The following TSHZ2 variants were observed in gnomAD, a reference collection of about 807,000 sequenced individuals.
The protein encoded by TSHZ2 is teashirt zinc finger homeobox 2.
In TSHZ2, 21 loss-of-function variants were observed where a neutral mutation model predicts 74.4. The ratio of observed to expected loss-of-function variants is 0.28; its 90% CI spans 0.20 to 0.41. The LOEUF (loss-of-function observed/expected upper bound fraction) is 0.41. Ranked by LOEUF, TSHZ2 falls within the 10% of genes least tolerant of loss-of-function variation. The pLI is 1.00. For missense variants in TSHZ2, 1,244 were observed against 1,293.5 expected, an observed-to-expected ratio of 0.96 and a Z score of 0.59; for synonymous variants, 540 against 515.3, an observed-to-expected ratio of 1.05 and a Z score of -0.65.
chr20:53,207,146 T>C (rs1212216203), intron 1 of TSHZ2, among the ~76,000 whole-genome samples: 1 of 152,146 alleles, frequency 6.6e-6, no homozygotes, highest in Non-Finnish European at 1.5e-5. Flanking sequence ...CTAATAAACA[T>C]ACAGTTGTTC....
intron 2 of TSHZ2, among the ~76,000 whole-genome samples, chr20:53,352,830 C>T (rs947521051): frequency 3.3e-5 from 5 of 150,412 alleles, no homozygotes; most frequent in African/African-American, 7.3e-5. Context: ...GCATCAACTT[C>T]GGAGAGGAAA....
At chr20:53,449,346 A>G (rs1984681377) in intron 2 of TSHZ2, among the ~76,000 whole-genome samples, 2 of 152,238 alleles carry the variant, frequency 1.3e-5, no homozygotes, top group South Asian at 2.1e-4. Context: ...CATAGTGAAT[A>G]GCAAGTAGTA....
intron 2 of TSHZ2, among the ~76,000 whole-genome samples, chr20:53,430,085 T>C (rs1299264367): frequency 6.6e-6 from 1 of 152,168 alleles, no homozygotes; most frequent in African/African-American, 2.4e-5. Context: ...TAGACATTAT[T>C]GGACATTATT....
At chr20:53,001,212 G>GTGTGTGTGTGTGTGTGTGTGTGTATA (rs1982405346) in intron 1 of TSHZ2, among the ~76,000 whole-genome samples, 31 of 123,486 alleles carry the variant, frequency 2.5e-4, no homozygotes, top group African/African-American at 9.7e-4. Flanking sequence ...GTGCGTGTGT[G>GTGTGTGTGTGTGTGTGTGTGTGTATA]TGTGTGTGTG....
intron 1 of TSHZ2, among the ~76,000 whole-genome samples, chr20:53,239,654 C>A (rs148726378): frequency 1.3e-5 from 2 of 152,092 alleles, no homozygotes; most frequent in African/African-American, 4.8e-5. Flanking sequence ...TGCTTAACTG[C>A]GAGCAGCAAT....
chr20:53,110,341 C>T (rs1047201024), intron 1 of TSHZ2, among the ~76,000 whole-genome samples: 1 of 151,994 alleles, frequency 6.6e-6, no homozygotes, highest in Non-Finnish European at 1.5e-5. Flanking sequence ...ATACATGTTC[C>T]AATAAATCCC....
intron 2 of TSHZ2, among the ~76,000 whole-genome samples, chr20:53,322,326 A>G (rs541754251): frequency 3.3e-5 from 5 of 152,322 alleles, no homozygotes; most frequent in Admixed American, 3.3e-4. Context: ...CAGCCTGGCC[A>G]ACAGGGCAAA....
At chr20:53,118,518 G>C (rs77038833) in intron 1 of TSHZ2, among the ~76,000 whole-genome samples, 2,060 of 152,240 alleles carry the variant, frequency 0.014, 36 homozygotes, top group African/African-American at 0.037. Context: ...ATCTGATCTT[G>C]GTCTGAAGCA....
intron 1 of TSHZ2, among the ~76,000 whole-genome samples, chr20:53,107,781 T>C (rs938773117): frequency 6.6e-6 from 1 of 151,762 alleles, no homozygotes; most frequent in Non-Finnish European, 1.5e-5. Context: ...GTAGGGAGAG[T>C]GTAGGGGGCC....
At chr20:53,190,028 T>G (rs971226084) in intron 1 of TSHZ2, among the ~76,000 whole-genome samples, 1 of 136,090 alleles carries the variant, frequency 7.3e-6, no homozygotes, top group South Asian at 2.4e-4. Context: ...GAGGTTGCTA[T>G]GAGCCATGAT....
At chr20:53,469,084 T>TATAC (rs1351403317) in intron 2 of TSHZ2, among the ~76,000 whole-genome samples, 4 of 132,352 alleles carry the variant, frequency 3.0e-5, no homozygotes, top group African/African-American at 5.5e-5. Context: ...TATATATATA[T>TATAC]GTACATATTC....
chr20:53,277,930 C>T (rs936380938), intron 2 of TSHZ2, among the ~76,000 whole-genome samples: 8 of 152,170 alleles, frequency 5.3e-5, no homozygotes, highest in Non-Finnish European at 7.3e-5. Context: ...CCAACTAACA[C>T]GCTCCTCCTG....
chr20:53,317,451 G>A (rs1979069637), intron 2 of TSHZ2, among the ~76,000 whole-genome samples: 2 of 152,128 alleles, frequency 1.3e-5, no homozygotes, highest in South Asian at 4.1e-4. Flanking sequence ...GCAGTGGAAA[G>A]GCTGTGAAAT....
chr20:53,436,601 A>G (rs1375770711), intron 2 of TSHZ2, among the ~76,000 whole-genome samples: 2 of 138,038 alleles, frequency 1.4e-5, no homozygotes, highest in African/African-American at 5.5e-5. Flanking sequence ...GCTGGAGTGC[A>G]GTGGTGGGAT....
chr20:53,483,715 G>A (rs1178914815), intron 2 of TSHZ2, among the ~76,000 whole-genome samples: 12 of 152,158 alleles, frequency 7.9e-5, no homozygotes, highest in Non-Finnish European at 1.3e-4. Context: ...GATTTTAATT[G>A]CAGGACTTCT....
intron 2 of TSHZ2, chr20:53,273,504 C>T (rs1990880057): frequency 6.6e-6 from 1 of 152,208 alleles, no homozygotes; most frequent in African/African-American, 2.4e-5. Context: ...GGCCAGACTG[C>T]TCTCGAACTC....
intron 1 of TSHZ2, chr20:53,168,823 G>A (rs999715712): frequency 2.0e-5 from 3 of 152,018 alleles, no homozygotes; most frequent in African/African-American, 7.2e-5. Context: ...TCATCCCATT[G>A]GCCAGAAACT....
At chr20:53,151,346 A>T (rs1419405172) in intron 1 of TSHZ2, among the ~76,000 whole-genome samples, 3 of 152,232 alleles carry the variant, frequency 2.0e-5, no homozygotes, top group African/African-American at 7.2e-5. Context: ...GCTTAGAGAA[A>T]ACTTACTTTG....
intron 2 of TSHZ2, among the ~76,000 whole-genome samples, chr20:53,318,727 CAAGG>C (rs368504488): frequency 6.6e-6 from 1 of 152,174 alleles, no homozygotes; most frequent in East Asian, 1.9e-4. Flanking sequence ...GGGCATAAAA[CAAGG>C]AAGTCAGCAG....
Sources: allele counts gnomAD v4.1 joint callset (sites outside exome capture counted in the v4.1 genomes callset), GRCh38; gene constraint gnomAD v4.1.1; transcripts MANE v1.5; gene names NCBI Gene and HGNC (gene_info 2026-07-23, HGNC 2026-07-21).